ACSM5: variants seen among roughly 807,000 people sequenced by gnomAD.
The protein encoded by ACSM5 is acyl-CoA synthetase medium chain family member 5.
Under a neutral mutation model 71.6 loss-of-function variants are expected in ACSM5, and 56 were observed. That is an observed-to-expected ratio of 0.78 (90% CI 0.63 to 0.98). ACSM5 has a LOEUF of 0.98. Ranked by LOEUF, ACSM5 falls within the 50% of genes least tolerant of loss-of-function variation. The pLI, the probability that ACSM5 is intolerant of heterozygous loss-of-function variation, is 0.00. For synonymous variants in ACSM5, 285 were observed against 281.5 expected (o/e 1.01, Z -0.12); for missense variants, 723 against 726.0 (o/e 1.00, Z 0.05).
chr16:20,430,605 GAGGA>G (rs907385248), intron 8 of ACSM5, among the ~76,000 whole-genome samples: 4 of 152,016 alleles, frequency 2.6e-5, no homozygotes, highest in South Asian at 2.1e-4. Flanking sequence ...GGAAAAGAAG[GAGGA>G]AAGGAAGGGA....
At chr16:20,425,690 C>T (rs117222792) in intron 6 of ACSM5, among the ~76,000 whole-genome samples, 2,292 of 152,216 alleles carry the variant, frequency 0.015, 21 homozygotes, top group Non-Finnish European at 0.026. Flanking sequence ...TTTGGTTTTC[C>T]ATTTCTGAGT....
Position 20,431,286 on chromosome 16 carries a change from C to T in ACSM5, c.1273C>T (p.Pro425Ser). The change falls in exon 10 of 14, where the codon CCC becomes TCC. Residue 425 changes from proline to serine, a missense_variant. Transcript: ENST00000331849. Reference protein sequence around the residue: ...EEGNVAVRIRPTRPFCFFNCY... With the variant: ...EEGNVAVRIRSTRPFCFFNCY... ...GGGGAATGTTGCCGTCCGTATCAGA[C>T]CCACTCGGCCCTTCTGTTTCTTCAA... 6.2e-7 allele frequency: 1 copy of T among 1,614,094 alleles called. No individual in the cohort carries two copies. Among genetic ancestry groups the T allele is most frequent in the East Asian group, 2.2e-5 (1 of 44,874 alleles).
chr16:20,411,442 A>G, intron 1 of ACSM5, 28 bp from the exon 2 acceptor site: 2 of 1,598,504 alleles, frequency 1.3e-6, no homozygotes, highest in South Asian at 1.1e-5. Flanking sequence ...ATTTATGACA[A>G]TGCCCTCTTT....
intron 7 of ACSM5, among the ~76,000 whole-genome samples, 200 bp from the exon 8 acceptor site, chr16:20,429,478 A>G (rs1967051240): frequency 6.6e-6 from 1 of 152,192 alleles, no homozygotes. Context: ...TCAAACTCAG[A>G]TAGGATGGAT....
chr16:20,411,445 C>T, intron 1 of ACSM5, 25 bp from the exon 2 acceptor site: 1 of 1,600,038 alleles, frequency 6.2e-7, no homozygotes, highest in Non-Finnish European at 8.5e-7. Flanking sequence ...TATGACAATG[C>T]CCTCTTTCCT....
intron 7 of ACSM5, 98 bp downstream of exon 7, chr16:20,427,965 C>T: frequency 1.1e-6 from 1 of 891,170 alleles, no homozygotes. Context: ...AACTCTCTTT[C>T]TTTCTCTGTC....
At chr16:20,436,645 T>C (rs1045918250) in intron 10 of ACSM5, among the ~76,000 whole-genome samples, 111 of 152,246 alleles carry the variant, frequency 7.3e-4, no homozygotes, top group South Asian at 1.7e-3. Context: ...GCTGGGATTA[T>C]AGGGATGAGC....
At chr16:20,415,497 G>A (rs1966854621) in intron 2 of ACSM5, among the ~76,000 whole-genome samples, 1 of 152,228 alleles carries the variant, frequency 6.6e-6, no homozygotes, top group Non-Finnish European at 1.5e-5. Context: ...AGAACCACTA[G>A]TTTCTTGAGA....
chr16:20,411,375 A>G, intron 1 of ACSM5, 95 bp from the exon 2 acceptor site: 1 of 930,404 alleles, frequency 1.1e-6, no homozygotes, highest in Non-Finnish European at 1.7e-6. Flanking sequence ...GATCACAGTC[A>G]CCATCAGCAC....
intron 5 of ACSM5, among the ~76,000 whole-genome samples, chr16:20,422,417 C>T (rs1474625444): frequency 6.6e-6 from 1 of 152,172 alleles, no homozygotes; most frequent in Non-Finnish European, 1.5e-5. Context: ...GCCTCGACCA[C>T]ATTTTAAATA....
intron 2 of ACSM5, among the ~76,000 whole-genome samples, chr16:20,415,500 T>G (rs1007095238): frequency 5.3e-5 from 8 of 152,270 alleles, no homozygotes; most frequent in African/African-American, 1.9e-4. Flanking sequence ...ACCACTAGTT[T>G]CTTGAGAATG....
At chr16:20,420,785 G>A (rs979806259) in intron 4 of ACSM5, among the ~76,000 whole-genome samples, 6 of 152,112 alleles carry the variant, frequency 3.9e-5, no homozygotes, top group Admixed American at 2.6e-4. Flanking sequence ...TTTACCAGGG[G>A]ACTTCACAGT....
intron 10 of ACSM5, 92 bp from the exon 11 acceptor site, chr16:20,436,960 G>A: frequency 4.9e-6 from 7 of 1,425,116 alleles, no homozygotes; most frequent in South Asian, 4.9e-5. Context: ...CTGTTGAGTG[G>A]TCTCCAGCTT....
intron 5 of ACSM5, 71 bp from the exon 6 acceptor site, chr16:20,423,845 T>A: frequency 6.4e-7 from 1 of 1,574,316 alleles, no homozygotes; most frequent in East Asian, 2.2e-5. Flanking sequence ...AATGTGGTGA[T>A]ATAGATAATA....
intron 12 of ACSM5, 110 bp from the exon 13 acceptor site, chr16:20,439,690 G>A (rs913132655): frequency 1.5e-6 from 2 of 1,301,112 alleles, no homozygotes; most frequent in Admixed American, 4.2e-5. Context: ...AAAACTAGTA[G>A]AACTTTCATG....
At chr16:20,421,528 A>AGGTTATT in intron 5 of ACSM5, 127 bp downstream of exon 5, 1 of 877,128 alleles carries the variant, frequency 1.1e-6, no homozygotes, top group Non-Finnish European at 1.6e-6. Context: ...AGAAGCCAAT[A>AGGTTATT]GGAGCAGCTT....
At chr16:20,418,761 C>A (rs1966864384) in intron 3 of ACSM5, among the ~76,000 whole-genome samples, 2 of 152,276 alleles carry the variant, frequency 1.3e-5, no homozygotes, top group South Asian at 4.1e-4. Context: ...CCGAACGATG[C>A]AGTTATAGAT....
chr16:20,409,935 T>TGAGGGGCGGGAGAGGG (rs1966844415), intron 1 of ACSM5, among the ~76,000 whole-genome samples: 3 of 134,746 alleles, frequency 2.2e-5, no homozygotes, highest in African/African-American at 8.6e-5. Context: ...GCGGGAGAGG[T>TGAGGGGCGGGAGAGGG]GGGTCAGAGA....
At chr16:20,418,379 T>G (rs2141644082) in intron 3 of ACSM5, 110 bp downstream of exon 3, 1 of 1,082,306 alleles carries the variant, frequency 9.2e-7, no homozygotes, top group East Asian at 2.6e-5. Context: ...TATGTGGAGT[T>G]GTGTTTACTT....
Sources: gnomAD v4.1 joint callset for allele counts (sites outside exome capture counted in the v4.1 genomes callset) on GRCh38, gnomAD v4.1.1 for gene constraint, MANE v1.5 for transcripts, NCBI Gene and HGNC (gene_info 2026-07-23, HGNC 2026-07-21) for gene names.